ADGRL3: variants seen among roughly 807,000 people sequenced by gnomAD.
ADGRL3 encodes adhesion G protein-coupled receptor L3.
A neutral mutation model predicts 153.5 loss-of-function variants in ADGRL3; 62 were observed. The ratio of observed to expected loss-of-function variants is 0.40; its 90% CI spans 0.33 to 0.50. ADGRL3 has a LOEUF of 0.50. ADGRL3 is among the 20% of genes least tolerant of loss of function. ADGRL3 has a pLI of 0.47. For synonymous variants in ADGRL3, 710 were observed against 672.5 expected (o/e 1.06, Z -0.86); for missense variants, 1,641 against 1,859.4 (o/e 0.88, Z 2.16).
At chr4:62,021,343 A>C (rs1262969083) in intron 21 of ADGRL3, among the ~76,000 whole-genome samples, 1 of 152,176 alleles carries the variant, frequency 6.6e-6, no homozygotes, top group African/African-American at 2.4e-5. Flanking sequence ...GCAATTAGCG[A>C]AACATTGCAG....
At chr4:61,733,828 CT>C (rs1417160390) in intron 8 of ADGRL3, among the ~76,000 whole-genome samples, 1 of 152,116 alleles carries the variant, frequency 6.6e-6, no homozygotes, top group African/African-American at 2.4e-5. Context: ...CAGGTTAGTT[CT>C]TTGTGTAGTG....
intron 17 of ADGRL3, among the ~76,000 whole-genome samples, chr4:61,959,676 G>T (rs1044814043): frequency 6.6e-6 from 1 of 152,002 alleles, no homozygotes; most frequent in African/African-American, 2.4e-5. Flanking sequence ...ACATTGTAAG[G>T]CTCTACCGTT....
At position 61,477,364 on chromosome 4, in the gene ADGRL3, A is replaced by G. The variant is rs574445647; in HGVS notation, c.-173-19757A>G. ...GATAGTTATTGTATATAGAATAGTG[A>G]TGTTACACACACACACACACACACA... On this transcript the variant is annotated intron_variant, in intron 2 of 26. Transcript: ENST00000683033. Among the ~76,000 whole-genome samples, 42 of 43,516 alleles carry G rather than the reference A, an allele frequency of 9.7e-4. No homozygotes were observed. In the East Asian group the frequency reaches 0.033, roughly 35 times the overall value. The allele number at this position is 43,516 out of a possible 152,430, so 28.5% of individuals were successfully genotyped here.
chr4:62,078,164 CT>C lies in ADGRL3; in HGVS notation c.*7257del, dbSNP rs1362028453. On this transcript the variant is annotated 3_prime_UTR_variant, in exon 27 of 27. Coordinates refer to ENST00000683033, the MANE Select transcript of ADGRL3 (RefSeq NM_001387552.1). ...ATTGTGGCTTTGGTCGCTTAGGATT[CT>C]CATATATTTACACATGGCATTATTC... 7.2e-5 allele frequency: 11 copies of C among 151,954 alleles called. No individual in the cohort carries two copies. The East Asian group carries it at 2.1e-3, about 29-fold the overall frequency. The allele number at this position is 151,954 out of a possible 1,614,324, so 9.4% of individuals were successfully genotyped here.
At chr4:61,948,072 G>A (rs2098932913) in intron 16 of ADGRL3, 28 bp from the exon 17 acceptor site, 1 of 1,580,114 alleles carries the variant, frequency 6.3e-7, no homozygotes, top group African/African-American at 1.3e-5. Flanking sequence ...AGTAGTTGTT[G>A]ATTTTATGGA....
intron 5 of ADGRL3, among the ~76,000 whole-genome samples, chr4:61,641,773 A>C (rs1224094016): frequency 1.3e-4 from 19 of 151,182 alleles, no homozygotes; most frequent in Admixed American, 1.1e-3. Flanking sequence ...TTATAGCAGC[A>C]TGATTTATAG....
At chr4:61,294,565 C>G (rs1042679682) in intron 1 of ADGRL3, among the ~76,000 whole-genome samples, 1 of 152,010 alleles carries the variant, frequency 6.6e-6, no homozygotes. Context: ...TTGGATGCAT[C>G]GTGGTAATTG....
chr4:61,472,096 A>G (rs907825989), intron 2 of ADGRL3, among the ~76,000 whole-genome samples: 2 of 152,032 alleles, frequency 1.3e-5, no homozygotes, highest in Admixed American at 1.3e-4. Flanking sequence ...ATTGTGTTTA[A>G]AGGCATTGCT....
intron 3 of ADGRL3, among the ~76,000 whole-genome samples, 199 bp downstream of exon 3, chr4:61,497,547 G>A (rs1283366154): frequency 7.6e-6 from 1 of 131,684 alleles, no homozygotes; most frequent in Non-Finnish European, 1.6e-5. Flanking sequence ...TCAGAGCCTC[G>A]CACTGTCACC....
At chr4:61,918,647 A>C (rs2098755043) in intron 13 of ADGRL3, among the ~76,000 whole-genome samples, 1 of 152,194 alleles carries the variant, frequency 6.6e-6, no homozygotes, top group South Asian at 2.1e-4. Context: ...CTGGAAATCA[A>C]CTGAAGTTAT....
At position 61,813,898 on chromosome 4, in the gene ADGRL3, T is replaced by G. The variant is rs751943824; in HGVS notation, c.1480+9T>G. The G allele has an allele frequency of 9.9e-6, 16 of 1,610,570 alleles. No individual in the cohort carries two copies. The African/African-American group carries it at 1.2e-4, about 12-fold the overall frequency. On this transcript the variant is annotated intron_variant, in intron 9 of 26. Coordinates refer to ENST00000683033, the MANE Select transcript of ADGRL3 (RefSeq NM_001387552.1). ...AAGACCCTCTGTTAAAGGTGAGTTT[T>G]TCTTTATATGAAGAAAAAGTAACTC...
chr4:61,504,404 A>G (rs2098413657), intron 3 of ADGRL3, among the ~76,000 whole-genome samples: 1 of 152,224 alleles, frequency 6.6e-6, no homozygotes, highest in Non-Finnish European at 1.5e-5. Flanking sequence ...TTTATGGGGT[A>G]CATATAATAT....
At chr4:61,493,693 T>A (rs896131800) in intron 2 of ADGRL3, among the ~76,000 whole-genome samples, 1 of 152,214 alleles carries the variant, frequency 6.6e-6, no homozygotes, top group African/African-American at 2.4e-5. Context: ...CTGCCTCATG[T>A]ATCCATGCTG....
intron 13 of ADGRL3, among the ~76,000 whole-genome samples, chr4:61,921,213 C>G (rs1480898184): frequency 1.3e-5 from 2 of 151,946 alleles, no homozygotes; most frequent in Non-Finnish European, 1.5e-5. Flanking sequence ...TTTTGAATAG[C>G]TAATATAGAC....
chr4:61,684,677 G>A (rs1485310524), intron 6 of ADGRL3, among the ~76,000 whole-genome samples: 1 of 152,066 alleles, frequency 6.6e-6, no homozygotes, highest in Non-Finnish European at 1.5e-5. Context: ...AAAGTCTGGA[G>A]CAACACAGAC....
rs1443717908 is a variant in ADGRL3 at position 61,523,234 on chromosome 4, A to G, written c.259+5716A>G. Among the ~76,000 whole-genome samples the G allele has an allele frequency of 8.5e-5, 13 of 152,214 alleles. No homozygotes were observed. In the East Asian group the frequency reaches 2.5e-3, roughly 29 times the overall value. On this transcript the variant is annotated intron_variant, in intron 4 of 26. Transcript: ENST00000683033. ...AGTCTGAAGTGTGTAGGTGAAGTCTAGGAATTTGTGGGGAAGTATGAAGAT... is the reference window on the plus strand; with the variant it reads ...AGTCTGAAGTGTGTAGGTGAAGTCTGGGAATTTGTGGGGAAGTATGAAGAT...
At chr4:62,020,804 A>T (rs1453512661) in intron 21 of ADGRL3, among the ~76,000 whole-genome samples, 1 of 152,074 alleles carries the variant, frequency 6.6e-6, no homozygotes, top group African/African-American at 2.4e-5. Flanking sequence ...TGGACTTTTC[A>T]TCACTAAGGA....
At chr4:61,389,461 T>C (rs773684596) in intron 2 of ADGRL3, among the ~76,000 whole-genome samples, 2 of 152,190 alleles carry the variant, frequency 1.3e-5, no homozygotes, top group Non-Finnish European at 2.9e-5. Flanking sequence ...TTCACAGAAA[T>C]AGTAATGTCT....
intron 2 of ADGRL3, among the ~76,000 whole-genome samples, chr4:61,416,047 C>T (rs2097141339): frequency 1.3e-5 from 2 of 152,008 alleles, no homozygotes; most frequent in African/African-American, 4.8e-5. Context: ...TTTCTCTAAT[C>T]TCTAGTGCTA....
Sources: gnomAD v4.1 joint callset for allele counts (sites outside exome capture counted in the v4.1 genomes callset) on GRCh38, gnomAD v4.1.1 for gene constraint, MANE v1.5 for transcripts, NCBI Gene and HGNC (gene_info 2026-07-23, HGNC 2026-07-21) for gene names.